The following AREG variants were observed in gnomAD, a reference collection of about 807,000 sequenced individuals.
AREG encodes amphiregulin B.
Under a neutral mutation model 28.0 loss-of-function variants are expected in AREG, and 16 were observed. The ratio of observed to expected loss-of-function variants is 0.57; its 90% CI spans 0.39 to 0.87. The LOEUF (loss-of-function observed/expected upper bound fraction) is 0.87. AREG is among the 40% of genes least tolerant of loss of function. AREG has a pLI of 0.00. For synonymous variants in AREG, 113 were observed against 113.5 expected (o/e 1.00, Z 0.02); for missense variants, 287 against 309.1 (o/e 0.93, Z 0.53).
chr4:74,454,182 A>C (rs1719424291), intron 5 of AREG, among the ~76,000 whole-genome samples: 1 of 152,196 alleles, frequency 6.6e-6, no homozygotes, highest in South Asian at 2.1e-4. Context: ...AAAATTTTTA[A>C]TGTATTGGCT....
chr4:74,446,192 G>A (rs913643274), intron 1 of AREG, among the ~76,000 whole-genome samples: 2 of 152,152 alleles, frequency 1.3e-5, no homozygotes, highest in Non-Finnish European at 2.9e-5. Flanking sequence ...AAAAAGAAAT[G>A]CATTTGGAAT....
chr4:74,446,531 C>T lies in AREG; in HGVS notation c.62-3C>T, dbSNP rs1480167375. 1 of 1,613,984 alleles carries T rather than the reference C, an allele frequency of 6.2e-7. No individual in the cohort carries two copies. Among genetic ancestry groups the T allele is most frequent in the Non-Finnish European group, 8.5e-7 (1 of 1,179,868 alleles). On this transcript the variant is annotated splice_polypyrimidine_tract_variant and splice_region_variant and intron_variant, in intron 1 of 5. Coordinates refer to ENST00000395748, the MANE Select transcript of AREG (RefSeq NM_001657.4). Reference sequence around the variant, plus strand: ...TTTTCTTCCTTTATTCCCTCCCCTGCAGGCCATTATGCTGCTGGATTGGAC... The same window carrying T: ...TTTTCTTCCTTTATTCCCTCCCCTGTAGGCCATTATGCTGCTGGATTGGAC...
intron 1 of AREG, 70 bp downstream of exon 1, chr4:74,445,476 C>T: frequency 1.3e-6 from 2 of 1,557,350 alleles, no homozygotes; most frequent in South Asian, 1.2e-5. Context: ...GAGTTTGGCT[C>T]TTGCTTCTCT....
intron 3 of AREG, among the ~76,000 whole-genome samples, chr4:74,449,633 CCCAGCAGT>C: frequency 6.6e-6 from 1 of 152,242 alleles, no homozygotes; most frequent in East Asian, 1.9e-4. Flanking sequence ...AGCCTGTAGT[CCCAGCAGT>C]CTGGGAGGCT....
intron 4 of AREG, 96 bp downstream of exon 4, chr4:74,450,628 T>G (rs2110412350): frequency 1.4e-6 from 2 of 1,469,664 alleles, no homozygotes; most frequent in Non-Finnish European, 1.8e-6. Flanking sequence ...TTTAGATGAA[T>G]TATTATATTG....
At chr4:74,453,959 T>G (rs1719421006) in intron 5 of AREG, among the ~76,000 whole-genome samples, 1 of 152,014 alleles carries the variant, frequency 6.6e-6, no homozygotes, top group Admixed American at 6.6e-5. Flanking sequence ...AGATGCTTGT[T>G]GAATATGCAT....
At chr4:74,452,763 T>C (rs912919243) in intron 5 of AREG, 108 bp downstream of exon 5, 6 of 920,986 alleles carry the variant, frequency 6.5e-6, no homozygotes, top group Non-Finnish European at 9.8e-6. Flanking sequence ...ATATATACAC[T>C]ATGAACAATG....
Sources: allele counts gnomAD v4.1 joint callset (sites outside exome capture counted in the v4.1 genomes callset), GRCh38; gene constraint gnomAD v4.1.1; transcripts MANE v1.5; gene names NCBI Gene and HGNC (gene_info 2026-07-23, HGNC 2026-07-21).